The following ATG5 variants were observed in gnomAD, a reference collection of about 807,000 sequenced individuals.
ATG5 encodes the protein autophagy related 5.
In ATG5, 14 loss-of-function variants were observed where a neutral mutation model predicts 36.5. The ratio of observed to expected loss-of-function variants is 0.38; its 90% CI spans 0.25 to 0.60. ATG5 has a LOEUF of 0.60. ATG5 is among the 20% of genes least tolerant of loss of function. The probability of loss-of-function intolerance (pLI) is 0.60; values close to 1 mark genes in which losing one functional copy is unlikely to be tolerated. For missense variants in ATG5, 195 were observed against 326.7 expected, an observed-to-expected ratio of 0.60 and a Z score of 3.11; for synonymous variants, 95 against 101.5, an observed-to-expected ratio of 0.94 and a Z score of 0.38.
intron 5 of ATG5, among the ~76,000 whole-genome samples, chr6:106,253,986 T>C (rs1778700999): frequency 6.6e-6 from 1 of 152,068 alleles, no homozygotes; most frequent in Non-Finnish European, 1.5e-5. Flanking sequence ...CCTTGGAAAG[T>C]TATTGCTGCA....
chr6:106,306,029 A>C (rs1266920738), intron 3 of ATG5, among the ~76,000 whole-genome samples: 1 of 152,252 alleles, frequency 6.6e-6, no homozygotes, highest in Non-Finnish European at 1.5e-5. Context: ...ACAGCATGAC[A>C]TAACTGTGGA....
intron 7 of ATG5, among the ~76,000 whole-genome samples, chr6:106,193,698 C>T (rs1776060926): frequency 1.3e-5 from 2 of 152,102 alleles, no homozygotes; most frequent in South Asian, 4.1e-4. Flanking sequence ...CATAAAATGA[C>T]CCAGTAATTC....
chr6:106,277,828 A>C (rs916376301), intron 5 of ATG5, among the ~76,000 whole-genome samples: 9 of 152,206 alleles, frequency 5.9e-5, no homozygotes, highest in Non-Finnish European at 8.8e-5. Flanking sequence ...AAACAAAACA[A>C]AACACCACAA....
At chr6:106,196,136 AAAAC>A (rs1425277115) in intron 7 of ATG5, among the ~76,000 whole-genome samples, 2 of 152,214 alleles carry the variant, frequency 1.3e-5, no homozygotes, top group Admixed American at 6.5e-5. Context: ...CTAAAATAAC[AAAAC>A]AAACAAAATA....
intron 4 of ATG5, among the ~76,000 whole-genome samples, chr6:106,281,645 C>A (rs911256953): frequency 6.6e-6 from 1 of 152,190 alleles, no homozygotes; most frequent in Admixed American, 6.5e-5. Flanking sequence ...AACATTAATA[C>A]ACAAGTCTTT....
chr6:106,294,845 G>GAAAAAAAAAAAA (rs1219794619), intron 3 of ATG5, among the ~76,000 whole-genome samples: 7,974 of 84,240 alleles, frequency 0.095, 375 homozygotes, highest in South Asian at 0.12. Context: ...CTTTTCTCAA[G>GAAAAAAAAAAAA]AAAAAAAAAA....
At chr6:106,288,211 T>C (rs887567415) in intron 4 of ATG5, among the ~76,000 whole-genome samples, 5 of 152,062 alleles carry the variant, frequency 3.3e-5, no homozygotes, top group African/African-American at 1.2e-4. Context: ...CCTCAAGAGA[T>C]CCACCTGCCT....
chr6:106,214,311 G>C (rs910126059), intron 6 of ATG5, among the ~76,000 whole-genome samples: 2 of 152,186 alleles, frequency 1.3e-5, no homozygotes, highest in East Asian at 3.9e-4. Flanking sequence ...GAAAGAGGGG[G>C]AACAGAGAGG....
At chr6:106,198,793 A>G (rs1184970438) in intron 7 of ATG5, among the ~76,000 whole-genome samples, 1 of 151,610 alleles carries the variant, frequency 6.6e-6, no homozygotes, top group Admixed American at 6.6e-5. Flanking sequence ...AAAAAGAGAG[A>G]GAGTGAGAAA....
chr6:106,261,009 C>T (rs1487876903), intron 5 of ATG5, among the ~76,000 whole-genome samples: 1 of 152,092 alleles, frequency 6.6e-6, no homozygotes, highest in Middle Eastern at 3.2e-3. Context: ...CCAGCATTAA[C>T]TACTGATTGT....
intron 5 of ATG5, among the ~76,000 whole-genome samples, chr6:106,256,548 G>A (rs2791114): frequency 0.086 from 13,026 of 152,164 alleles, 590 homozygotes; most frequent in South Asian, 0.13. Context: ...TCTGAGAAAT[G>A]CATCAGGCAA....
chr6:106,226,712 G>A (rs968358135), intron 6 of ATG5, among the ~76,000 whole-genome samples: 6 of 152,104 alleles, frequency 3.9e-5, no homozygotes, highest in African/African-American at 1.4e-4. Context: ...ACAATGTTGT[G>A]TGAGATTTAT....
chr6:106,314,663 T>C (rs533373165), intron 2 of ATG5, among the ~76,000 whole-genome samples: 3 of 152,212 alleles, frequency 2.0e-5, no homozygotes, highest in East Asian at 1.9e-4. Context: ...CATACTCTTA[T>C]ATACTATTAC....
intron 1 of ATG5, among the ~76,000 whole-genome samples, chr6:106,324,510 C>T (rs1771218410): frequency 6.6e-6 from 1 of 152,178 alleles, no homozygotes; most frequent in Non-Finnish European, 1.5e-5. Flanking sequence ...CAAAGTGGAA[C>T]TTCATGATGG....
intron 4 of ATG5, among the ~76,000 whole-genome samples, chr6:106,291,420 G>A (rs1780303482): frequency 6.6e-6 from 1 of 152,162 alleles, no homozygotes. Context: ...TGCATTATCA[G>A]TGTAAATGTT....
intron 4 of ATG5, among the ~76,000 whole-genome samples, chr6:106,290,825 C>T (rs1196036848): frequency 6.6e-6 from 1 of 152,116 alleles, no homozygotes; most frequent in Non-Finnish European, 1.5e-5. Context: ...ACTTTTAAAA[C>T]ATCAGATGTT....
intron 6 of ATG5, among the ~76,000 whole-genome samples, chr6:106,240,017 G>C (rs1400633051): frequency 1.3e-5 from 2 of 151,612 alleles, no homozygotes; most frequent in African/African-American, 4.8e-5. Context: ...TTTTGAGACG[G>C]GGTCTTGCTC....
rs570472577 is a variant in ATG5, at chr6:106,186,239, C to T, written c.*301G>A. The T allele has an allele frequency of 2.4e-5, 7 of 288,878 alleles. No individual in the cohort carries two copies. In the South Asian group the frequency reaches 4.3e-4, roughly 18 times the overall value. 17.9% of individuals were successfully genotyped at this position (288,878 alleles called of 1,614,324 possible). On this transcript the variant is annotated 3_prime_UTR_variant, in exon 8 of 8. Transcript: ENST00000369076. ...ATACAAATCGAGTGGCACATACTTC[C>T]ATTTTCTTCTTAGGCCAAAGGTTTC...
At chr6:106,253,603 T>TG (rs1778683756) in intron 5 of ATG5, among the ~76,000 whole-genome samples, 1 of 152,190 alleles carries the variant, frequency 6.6e-6, no homozygotes, top group African/African-American at 2.4e-5. Flanking sequence ...CTTCTCTCCG[T>TG]GTTCACCACT....
Sources: allele counts gnomAD v4.1 joint callset (sites outside exome capture counted in the v4.1 genomes callset), GRCh38; gene constraint gnomAD v4.1.1; transcripts MANE v1.5; gene names NCBI Gene and HGNC (gene_info 2026-07-23, HGNC 2026-07-21).